Variants in ACTBL2 observed in about 807,000 individuals in gnomAD.
ACTBL2 encodes actin beta like 2, also known as beta-actin-like protein 2.
Under a neutral mutation model 23.2 loss-of-function variants are expected in ACTBL2, and 29 were observed. The ratio of observed to expected loss-of-function variants is 1.25; its 90% CI spans 0.93 to 1.71. The LOEUF (loss-of-function observed/expected upper bound fraction) is 1.71, where lower values mean the gene tolerates loss of function less well. Among genes scored for constraint, ACTBL2 ranks in the 40% most tolerant of loss-of-function variants. The pLI is 0.00. For synonymous variants in ACTBL2, 173 were observed against 182.1 expected (o/e 0.95, Z 0.40); for missense variants, 524 against 486.2 (o/e 1.08, Z -0.73).
In ACTBL2 at chr5:57,482,226, G is replaced by A; in HGVS notation, c.482C>T (p.Thr161Ile). Residue 161 changes from threonine (T) to isoleucine (I), a missense_variant, in exon 1 of 1, where the codon ACT (threonine) becomes ATT (isoleucine). By Grantham distance (89) the Thr-to-Ile change is moderately conservative. Transcript: ENST00000423391. ...ACCTTCATAGATGGGCACGATGTGA[G>A]TGACCCCATCCCCAGAATCCATCAC... The part of the protein sequence containing the change: ...GIVMDSGDGV[T>I]HIVPIYEGYA... 6.2e-7 allele frequency: 1 copy of A among 1,614,148 alleles called. No individual in the cohort carries two copies. The highest frequency in any genetic ancestry group is 1.1e-5 in the South Asian group (1 of 91,046).
chr5:57,482,306 A>G lies in ACTBL2; in HGVS notation c.402T>C (p.Tyr134=). The G allele has an allele frequency of 6.2e-7, 1 of 1,614,106 alleles. No individual in the cohort carries two copies. The highest frequency in any genetic ancestry group is 8.5e-7 in the Non-Finnish European group (1 of 1,180,012). ...GGGACAGCACAGCCTGGATGGCGAC[A>G]TACATGGCTGGTGTGTTGAAAGCCT... is the stretch of plus-strand genomic sequence containing the variant. ...MFEAFNTPAM[Y]VAIQAVLSLY... Residue 134 remains tyrosine, a synonymous_variant, in exon 1 of 1, where the codon TAT becomes TAC. Transcript: ENST00000423391.
Position 57,482,213 on chromosome 5 carries a change from G to A in ACTBL2, c.495C>T (p.Pro165=). ...GAGGCAGGGCATAACCTTCATAGATGGGCACGATGTGAGTGACCCCATCCC... is the reference window on the plus strand; with the variant it reads ...GAGGCAGGGCATAACCTTCATAGATAGGCACGATGTGAGTGACCCCATCCC... ...DSGDGVTHIV[P]IYEGYALPHA... The change falls in exon 1 of 1, where the codon CCC becomes CCT. Residue 165 remains proline, a synonymous_variant. Transcript: ENST00000423391. The A allele has an allele frequency of 6.2e-7, 1 of 1,614,152 alleles. No homozygotes were observed. The highest frequency in any genetic ancestry group is 2.2e-5 in the East Asian group (1 of 44,874).
rs1215737786 is a variant in ACTBL2, at chr5:57,481,791, A to C, written c.917T>G (p.Met306Arg). The change falls in exon 1 of 1, where the codon ATG (methionine) becomes AGG (arginine). Residue 306 changes from methionine to arginine, a missense_variant. Transcript: ENST00000423391. The part of the protein sequence containing the change: ...ANTVLSGGST[M>R]YPGIADRMQK... ...CATCCTGTCAGCAATGCCTGGGTAC[A>C]TGGTGCTCCCTCCAGATAACACGGT... 2.5e-6 allele frequency: 4 copies of C among 1,614,082 alleles called. No individual in the cohort carries two copies. The highest frequency in any genetic ancestry group is 3.4e-6 in the Non-Finnish European group (4 of 1,180,028).
In ACTBL2 at chr5:57,482,306, A is replaced by C. The variant is rs551551940; in HGVS notation, c.402T>G (p.Tyr134Ter). Residue 134 changes from tyrosine (Y) to a stop codon, truncating the protein, a stop_gained, in exon 1 of 1, where the codon TAT becomes TAG. Transcript: ENST00000423391. LOFTEE classifies it high-confidence loss of function. ...GGGACAGCACAGCCTGGATGGCGAC[A>C]TACATGGCTGGTGTGTTGAAAGCCT... ...MFEAFNTPAM[Y>*]VAIQAVLSLY... 1.2e-6 allele frequency: 2 copies of C among 1,614,106 alleles called. No homozygotes were observed. The highest frequency in any genetic ancestry group is 2.2e-5 in the South Asian group (2 of 91,036).
rs1745193462 is a variant in ACTBL2 at position 57,482,672 on chromosome 5, A to G, written c.36T>C (p.Asp12=). 6.2e-7 allele frequency: 1 copy of G among 1,614,008 alleles called. No individual in the cohort carries two copies. ...CTGCCTTGCACATCCCTGACCCATT[A>G]TCCACTACCAAGGCAGACAGCTCAT... ...TDNELSALVV[D]NGSGMCKAGF... is the part of the protein sequence containing the mutation. The change falls in exon 1 of 1, where the codon GAT becomes GAC. Residue 12 remains aspartate, a synonymous_variant. Transcript: ENST00000423391.
Position 57,482,508 on chromosome 5 carries a change from G to C in ACTBL2, c.200C>G (p.Thr67Ser). The change falls in exon 1 of 1, where the codon ACC becomes AGC. Residue 67 changes from threonine to serine, a missense_variant. Thr to Ser is a moderately conservative substitution (Grantham distance 58). Transcript: ENST00000423391. Reference protein sequence around the residue: ...DEAQSKRGVLTLKYPIEHGVV... With the variant: ...DEAQSKRGVLSLKYPIEHGVV... ...TCCATGCTCGATAGGATACTTCAGG[G>C]TCAGGACGCCTCTCTTGCTCTGAGC... 6.2e-7 allele frequency: 1 copy of C among 1,614,084 alleles called. No individual in the cohort carries two copies. Among genetic ancestry groups the C allele is most frequent in the Admixed American group, 1.7e-5 (1 of 60,028 alleles).
chr5:57,481,812 A>G lies in ACTBL2; in HGVS notation c.896T>C (p.Val299Ala), dbSNP rs779627454. 6.8e-6 allele frequency: 11 copies of G among 1,614,038 alleles called. No individual in the cohort carries two copies. Among genetic ancestry groups the G allele is most frequent in the Non-Finnish European group, 8.5e-6 (10 of 1,180,020 alleles). The change falls in exon 1 of 1, where the codon GTG (valine) becomes GCG (alanine). Residue 299 changes from valine (V) to alanine (A), a missense_variant. Physicochemically the swap from Val to Ala is moderately conservative, Grantham distance 64 (BLOSUM62 0). Coordinates refer to ENST00000423391, the MANE Select transcript of ACTBL2 (RefSeq NM_001017992.4). Reference protein sequence around the residue: ...DIRKDLYANTVLSGGSTMYPG... With the variant: ...DIRKDLYANTALSGGSTMYPG... ...GTACATGGTGCTCCCTCCAGATAACACGGTGTTGGCATAGAGATCCTTGCG... is the reference window on the plus strand; with the variant it reads ...GTACATGGTGCTCCCTCCAGATAACGCGGTGTTGGCATAGAGATCCTTGCG...
Position 57,482,539 on chromosome 5 carries a change from C to G in ACTBL2, c.169G>C (p.Asp57His), listed in dbSNP as rs542525540. The G allele has an allele frequency of 6.2e-7, 1 of 1,614,128 alleles. No homozygotes were observed. The highest frequency in any genetic ancestry group is 1.1e-5 in the South Asian group (1 of 91,036). ...GMGQKDCYVG[D>H]EAQSKRGVLT... Reference sequence around the variant, plus strand: ...ACGCCTCTCTTGCTCTGAGCCTCATCTCCCACGTAGCAGTCCTTCTGGCCC... The same window carrying G: ...ACGCCTCTCTTGCTCTGAGCCTCATGTCCCACGTAGCAGTCCTTCTGGCCC... The change falls in exon 1 of 1, where the codon GAT (aspartate) becomes CAT (histidine). Residue 57 changes from aspartate to histidine, a missense_variant. Transcript: ENST00000423391.
At position 57,480,224 on chromosome 5, in the gene ACTBL2, C is replaced by T. The variant is rs1273345353; in HGVS notation, c.*1353G>A. 6.6e-6 allele frequency: 1 copy of T among 151,990 alleles called. No homozygotes were observed. Among genetic ancestry groups the T allele is most frequent in the African/African-American group, 2.4e-5 (1 of 41,408 alleles). The allele number at this position is 151,990 out of a possible 1,614,324, so 9.4% of individuals were successfully genotyped here. A position where few individuals can be genotyped will look rare whatever the true frequency, so the allele number is the denominator to read the frequency against. On this transcript the variant is annotated 3_prime_UTR_variant, in exon 1 of 1. Coordinates refer to ENST00000423391, the MANE Select transcript of ACTBL2 (RefSeq NM_001017992.4). ...AGATTTATAACATAAGTACAAGTTT[C>T]CCAACTAAGAAAAAAAGAGAAGTGA...
rs1745179131 is a variant in ACTBL2, at chr5:57,482,329, C to T, written c.379G>A (p.Ala127Thr). Residue 127 changes from alanine to threonine, a missense_variant, in exon 1 of 1, where the codon GCT becomes ACT. Physicochemically the swap from Ala to Thr is moderately conservative, Grantham distance 58. Transcript: ENST00000423391. ...REKMTQIMFE[A>T]FNTPAMYVAI... The stretch of plus-strand genomic sequence containing the variant: ...ACATACATGGCTGGTGTGTTGAAAG[C>T]CTCGAACATGATCTGAGTCATCTTT... 1.9e-6 allele frequency: 3 copies of T among 1,613,946 alleles called. No individual in the cohort carries two copies. The highest frequency in any genetic ancestry group is 2.5e-6 in the Non-Finnish European group (3 of 1,180,022).
chr5:57,482,131 T>G lies in ACTBL2; in HGVS notation c.577A>C (p.Ile193Leu), dbSNP rs751131522. The G allele has an allele frequency of 6.8e-6, 11 of 1,614,076 alleles. No homozygotes were observed. Among genetic ancestry groups the G allele is most frequent in the Non-Finnish European group, 9.3e-6 (11 of 1,180,016 alleles). ...AAGTTATAGCCTCGCTCTGTCAGGA[T>G]CTTCATGAGGTAATCAGTCAGGTCT... ...GRDLTDYLMK[I>L]LTERGYNFTT... The change falls in exon 1 of 1, where the codon ATC becomes CTC. Residue 193 changes from isoleucine to leucine, a missense_variant. By Grantham distance (5) the Ile-to-Leu change is conservative. Coordinates refer to ENST00000423391, the MANE Select transcript of ACTBL2 (RefSeq NM_001017992.4).
In ACTBL2 at chr5:57,481,913, A is replaced by G; in HGVS notation, c.795T>C (p.Pro265=). 3 of 1,614,104 alleles carry G rather than the reference A, an allele frequency of 1.9e-6. No individual in the cohort carries two copies. The highest frequency in any genetic ancestry group is 2.5e-6 in the Non-Finnish European group (3 of 1,180,030). ...CACTGGACTCAATGCCCAGAAAGGA[A>G]GGCTGGAAAATGGCTTCAGGGCATC... is the stretch of plus-strand genomic sequence containing the variant. ...RFRCPEAIFQ[P]SFLGIESSGI... The change falls in exon 1 of 1, where the codon CCT becomes CCC. Residue 265 remains proline, a synonymous_variant. Transcript: ENST00000423391.
rs776957958 is a variant in ACTBL2 at position 57,482,268 on chromosome 5, C to G, written c.440G>C (p.Gly147Ala). ...IQAVLSLYAS[G>A]RTTGIVMDSG... is the part of the protein sequence containing the mutation. Reference sequence around the variant, plus strand: ...ATCCATCACGATGCCTGTGGTCCGTCCTGAGGCATAGAGGGACAGCACAGC... The same window carrying G: ...ATCCATCACGATGCCTGTGGTCCGTGCTGAGGCATAGAGGGACAGCACAGC... The change falls in exon 1 of 1, where the codon GGA (glycine) becomes GCA (alanine). Residue 147 changes from glycine (G) to alanine (A), a missense_variant. By Grantham distance (60) the Gly-to-Ala change is moderately conservative. Transcript: ENST00000423391. 6.2e-7 allele frequency: 1 copy of G among 1,613,982 alleles called. No homozygotes were observed. Among genetic ancestry groups the G allele is most frequent in the African/African-American group, 1.3e-5 (1 of 74,906 alleles).
rs375912548 is a variant in ACTBL2, at chr5:57,481,962, A to C, written c.746T>G (p.Ile249Ser). Residue 249 changes from isoleucine to serine, a missense_variant, in exon 1 of 1, where the codon ATC (isoleucine) becomes AGC (serine). Coordinates refer to ENST00000423391, the MANE Select transcript of ACTBL2 (RefSeq NM_001017992.4). ...TCGGAAGCGTTCATTCCCAATGGTG[A>C]TCACCTGCCCATCAGGAAGTTCATA... ...RSYELPDGQV[I>S]TIGNERFRCP... is the part of the protein sequence containing the mutation. 6.2e-7 allele frequency: 1 copy of C among 1,614,128 alleles called. No individual in the cohort carries two copies. Among genetic ancestry groups the C allele is most frequent in the Non-Finnish European group, 8.5e-7 (1 of 1,180,022 alleles).
chr5:57,481,980 A>C lies in ACTBL2; in HGVS notation c.728T>G (p.Leu243Arg). Residue 243 changes from leucine (L) to arginine (R), a missense_variant, in exon 1 of 1, where the codon CTT becomes CGT. Leu to Arg is a moderately radical substitution (Grantham distance 102). Transcript: ENST00000423391. Reference sequence around the variant, plus strand: ...AATGGTGATCACCTGCCCATCAGGAAGTTCATAGCTCCGTTCCGGTGAGGA... The same window carrying C: ...AATGGTGATCACCTGCCCATCAGGACGTTCATAGCTCCGTTCCGGTGAGGA... Reference protein sequence around the residue: ...ASSSPERSYELPDGQVITIGN... With the variant: ...ASSSPERSYERPDGQVITIGN... The C allele has an allele frequency of 6.2e-7, 1 of 1,614,148 alleles. No homozygotes were observed. The highest frequency in any genetic ancestry group is 1.3e-5 in the African/African-American group (1 of 75,048).
In ACTBL2 at chr5:57,480,020, C is replaced by A. The variant is rs1745122419; in HGVS notation, c.*1557G>T. ...AGAAATAACAGGAAATCTAAGTATACAAGTATGAAGCAATTTTAATGTACT... is the reference window on the plus strand; with the variant it reads ...AGAAATAACAGGAAATCTAAGTATAAAAGTATGAAGCAATTTTAATGTACT... On this transcript the variant is annotated 3_prime_UTR_variant, in exon 1 of 1. Coordinates refer to ENST00000423391, the MANE Select transcript of ACTBL2 (RefSeq NM_001017992.4). 1 of 151,892 alleles carries A rather than the reference C, an allele frequency of 6.6e-6. No individual in the cohort carries two copies. The highest frequency in any genetic ancestry group is 1.5e-5 in the Non-Finnish European group (1 of 67,944). 9.4% of individuals were successfully genotyped at this position (151,892 alleles called of 1,614,324 possible).
rs987715830 is a variant in ACTBL2 at position 57,482,421 on chromosome 5, C to T, written c.287G>A (p.Arg96His). The change falls in exon 1 of 1, where the codon CGT becomes CAT. Residue 96 changes from arginine to histidine, a missense_variant. Coordinates refer to ENST00000423391, the MANE Select transcript of ACTBL2 (RefSeq NM_001017992.4). ...GATGGGATGCTCATCTGGTGCCACA[C>T]GGAGCTCATTGTAGAATGTGTGGTA... is the stretch of plus-strand genomic sequence containing the variant. The part of the protein sequence containing the change: ...IWYHTFYNEL[R>H]VAPDEHPILL... 1.9e-6 allele frequency: 3 copies of T among 1,614,106 alleles called. No individual in the cohort carries two copies. The highest frequency in any genetic ancestry group is 2.5e-6 in the Non-Finnish European group (3 of 1,180,010).
In ACTBL2 at chr5:57,482,064, T is replaced by C. The variant is rs745682885; in HGVS notation, c.644A>G (p.Glu215Gly). ...AEREIVRDVK[E>G]KLCYVALDFE... ...GTCCAGGGCTACGTAGCACAGCTTC[T>C]CTTTGACATCTCGCACAATCTCCCG... is the stretch of plus-strand genomic sequence containing the variant. The change falls in exon 1 of 1, where the codon GAG becomes GGG. Residue 215 changes from glutamate (E) to glycine (G), a missense_variant. Coordinates refer to ENST00000423391, the MANE Select transcript of ACTBL2 (RefSeq NM_001017992.4). 7 of 1,614,062 alleles carry C rather than the reference T, an allele frequency of 4.3e-6. No homozygotes were observed. The highest frequency in any genetic ancestry group is 1.6e-4 in the Middle Eastern group (1 of 6,062).
Position 57,481,881 on chromosome 5 carries a change from T to G in ACTBL2, c.827A>C (p.His276Pro), listed in dbSNP as rs778454143. ...CATGATAGAGTTGAAGGTTGTCTCA[T>G]GGATCCCACTGGACTCAATGCCCAG... ...SFLGIESSGI[H>P]ETTFNSIMKC... The change falls in exon 1 of 1, where the codon CAT (histidine) becomes CCT (proline). Residue 276 changes from histidine (H) to proline (P), a missense_variant. Transcript: ENST00000423391. 1.2e-6 allele frequency: 2 copies of G among 1,614,144 alleles called. No individual in the cohort carries two copies. The highest frequency in any genetic ancestry group is 8.5e-7 in the Non-Finnish European group (1 of 1,180,032).
Sources: allele counts gnomAD v4.1 joint callset, GRCh38; gene constraint gnomAD v4.1.1; transcripts MANE v1.5; gene names NCBI Gene and HGNC (gene_info 2026-07-23, HGNC 2026-07-21).